The following CORIN variants were observed in gnomAD, a reference collection of about 807,000 sequenced individuals.
The protein encoded by CORIN is atrial natriuretic peptide-converting enzyme.
CORIN carries 117 observed loss-of-function variants against 125.3 expected under a neutral mutation model. The ratio of observed to expected loss-of-function variants is 0.93; its 90% confidence interval spans 0.80 to 1.09. CORIN has a LOEUF of 1.09. Ranked by LOEUF, CORIN falls within the 50% of genes least tolerant of loss-of-function variation. The probability of loss-of-function intolerance (pLI) is 0.00; values close to 1 mark genes in which losing one functional copy is unlikely to be tolerated. For missense variants in CORIN, 1,253 were observed against 1,306.7 expected, an observed-to-expected ratio of 0.96 and a Z score of 0.63; for synonymous variants, 450 against 466.4, an observed-to-expected ratio of 0.96 and a Z score of 0.45.
rs1165408037 is a variant in CORIN, at chr4:47,646,043, C to CAA, written c.1844-851_1844-850dup. 1.9e-3 allele frequency among the ~76,000 whole-genome samples: 185 copies of CAA among 98,332 alleles called. 2 individuals are homozygous for CAA. Among genetic ancestry groups the CAA allele is most frequent in the Non-Finnish European group, 2.6e-3 (134 of 50,726 alleles). The allele number at this position is 98,332 out of a possible 152,430, so 64.5% of individuals were successfully genotyped here. A position where few individuals can be genotyped will look rare whatever the true frequency, so the allele number is the denominator to read the frequency against. ...GGCTCACCGCAACCTCCACCTGTCT[C>CAA]AAAAAAAAAAAAAAAAAAAAAAGTG... On this transcript the variant is annotated intron_variant, in intron 13 of 21. Coordinates refer to ENST00000273857, the MANE Select transcript of CORIN (RefSeq NM_006587.4).
rs1234109266 is a variant in CORIN at position 47,838,020 on chromosome 4, C to T, written c.-71G>A. On this transcript the variant is annotated 5_prime_UTR_variant, in exon 1 of 22. Coordinates refer to ENST00000273857, the MANE Select transcript of CORIN (RefSeq NM_006587.4). ...GCTTTTCTCTCCTCTACGTGTCCCC[C>T]GGGGAGGCACTACGGATGATTTTCT... 1 of 1,593,324 alleles carries T rather than the reference C, an allele frequency of 6.3e-7. No homozygotes were observed. The highest frequency in any genetic ancestry group is 8.5e-7 in the Non-Finnish European group (1 of 1,176,108).
chr4:47,706,432 T>G, intron 5 of CORIN: 4 of 1,610,072 alleles, frequency 2.5e-6, no homozygotes, highest in Non-Finnish European at 3.4e-6. Context: ...TGTCACGCGC[T>G]TTCTTCTGAG....
chr4:47,661,088 ACTT>A (rs1383804592), intron 12 of CORIN, among the ~76,000 whole-genome samples: 4 of 152,342 alleles, frequency 2.6e-5, no homozygotes, highest in Admixed American at 2.6e-4. Context: ...AGAAATACAA[ACTT>A]CTTATGTTCT....
At chr4:47,621,175 G>T (rs553553346) in intron 19 of CORIN, among the ~76,000 whole-genome samples, 51 of 152,260 alleles carry the variant, frequency 3.3e-4, no homozygotes, top group Non-Finnish European at 7.1e-4. Flanking sequence ...ATTAGGTGGG[G>T]CCTGTGACTG....
At position 47,613,209 on chromosome 4, in the gene CORIN, C is replaced by T. The variant is rs1405042014; in HGVS notation, c.2541-9541G>A. ...GTGGCTTACACCTGTAATCCCAGCACTTTGGGAGGCTAAAGCGGGCAGATC... is the reference window on the plus strand; with the variant it reads ...GTGGCTTACACCTGTAATCCCAGCATTTTGGGAGGCTAAAGCGGGCAGATC... On this transcript the variant is annotated intron_variant, in intron 19 of 21. Coordinates refer to ENST00000273857, the MANE Select transcript of CORIN (RefSeq NM_006587.4). 3.3e-5 allele frequency among the ~76,000 whole-genome samples: 5 copies of T among 152,174 alleles called. No individual in the cohort carries two copies. In the East Asian group the frequency reaches 9.6e-4, roughly 29 times the overall value.
intron 1 of CORIN, among the ~76,000 whole-genome samples, chr4:47,817,770 C>T (rs1254275525): frequency 1.3e-5 from 2 of 152,162 alleles, no homozygotes; most frequent in African/African-American, 4.8e-5. Context: ...GGGGAGATCT[C>T]AATCCTTAAG....
At chr4:47,706,651 T>G in intron 5 of CORIN, 4 of 1,609,820 alleles carry the variant, frequency 2.5e-6, no homozygotes, top group African/African-American at 2.7e-5. Flanking sequence ...CCAGCTAAAA[T>G]TTTGCTCGAA....
At chr4:47,824,286 T>C (rs1252850122) in intron 1 of CORIN, among the ~76,000 whole-genome samples, 3 of 137,446 alleles carry the variant, frequency 2.2e-5, no homozygotes, top group Admixed American at 7.7e-5. Flanking sequence ...ATTCAGTTAA[T>C]AGAGGTAGTG....
chr4:47,620,241 A>G (rs1003333292), intron 19 of CORIN, among the ~76,000 whole-genome samples: 8 of 152,332 alleles, frequency 5.3e-5, no homozygotes, highest in Non-Finnish European at 1.2e-4. Context: ...AAGAGTACTA[A>G]TAGGTGAGTA....
Position 47,643,190 on chromosome 4 carries a change from T to A in CORIN, c.2024A>T (p.Asp675Val). ...ACTGTCTGAGCAGTCGGCTTCACCA[T>A]CACACCACAGGTCACGTGACACACA... ...HACVSRDLWC[D>V]GEADCSDSSD... Residue 675 changes from aspartate to valine, a missense_variant, in exon 15 of 22, where the codon GAT becomes GTT. Asp to Val is a radical substitution (Grantham distance 152). Coordinates refer to ENST00000273857, the MANE Select transcript of CORIN (RefSeq NM_006587.4). The A allele has an allele frequency of 1.9e-6, 3 of 1,614,080 alleles. No individual in the cohort carries two copies. The highest frequency in any genetic ancestry group is 2.5e-6 in the Non-Finnish European group (3 of 1,179,964).
At chr4:47,789,270 C>T (rs1730959999) in intron 2 of CORIN, among the ~76,000 whole-genome samples, 1 of 152,094 alleles carries the variant, frequency 6.6e-6, no homozygotes, top group Non-Finnish European at 1.5e-5. Context: ...CACCATTGCA[C>T]TCCAGCCAGG....
At chr4:47,659,272 C>A (rs771770121) in intron 12 of CORIN, among the ~76,000 whole-genome samples, 1 of 152,200 alleles carries the variant, frequency 6.6e-6, no homozygotes, top group Non-Finnish European at 1.5e-5. Context: ...CTCTTCCAAC[C>A]CCTGCCTGTT....
At position 47,661,827 on chromosome 4, in the gene CORIN, C is replaced by A. The variant is rs770141559; in HGVS notation, c.1619G>T (p.Cys540Phe). Residue 540 changes from cysteine (C) to phenylalanine (F), a missense_variant, in exon 12 of 22, where the codon TGT becomes TTT. Coordinates refer to ENST00000273857, the MANE Select transcript of CORIN (RefSeq NM_006587.4). ...GCCCACAATCCCAAGAACAGACTCA[C>A]AGCGTTCTTTAGAGTGTTCACACAA... ...RALCEHSKER[C>F]ESVLGIVGLQ... 13 of 1,612,840 alleles carry A rather than the reference C, an allele frequency of 8.1e-6. No homozygotes were observed. In the African/African-American group the frequency reaches 1.6e-4, roughly 20 times the overall value.
At chr4:47,799,172 AT>A (rs964451458) in intron 2 of CORIN, among the ~76,000 whole-genome samples, 23 of 148,812 alleles carry the variant, frequency 1.5e-4, no homozygotes, top group African/African-American at 5.5e-4. Flanking sequence ...TCTTTATCCA[AT>A]CTACCACTGA....
intron 5 of CORIN, among the ~76,000 whole-genome samples, chr4:47,694,628 A>G (rs1725904310): frequency 6.6e-6 from 1 of 152,170 alleles, no homozygotes; most frequent in South Asian, 2.1e-4. Context: ...ATAGAAATAG[A>G]GAAAAGTACA....
intron 2 of CORIN, among the ~76,000 whole-genome samples, chr4:47,805,350 T>C (rs1731747547): frequency 6.6e-6 from 1 of 151,766 alleles, no homozygotes; most frequent in Admixed American, 6.6e-5. Flanking sequence ...CCCACAAACA[T>C]TTTTTTTAAA....
At chr4:47,633,035 G>A (rs13133141) in intron 16 of CORIN, among the ~76,000 whole-genome samples, 39,702 of 151,994 alleles carry the variant, frequency 0.26, 5,414 homozygotes, top group Admixed American at 0.36. Context: ...ACATGCCTCA[G>A]CCTCCCAGAG....
chr4:47,721,571 T>A (rs1345259159), intron 5 of CORIN, among the ~76,000 whole-genome samples: 1 of 152,172 alleles, frequency 6.6e-6, no homozygotes, highest in African/African-American at 2.4e-5. Context: ...ACCCAGCCCA[T>A]AACCTCATCT....
chr4:47,775,904 T>G (rs1311268440), intron 3 of CORIN, among the ~76,000 whole-genome samples: 1 of 152,158 alleles, frequency 6.6e-6, no homozygotes, highest in Non-Finnish European at 1.5e-5. Flanking sequence ...TTTTTTGGGG[T>G]TTTTTTGAGT....
Sources: allele counts gnomAD v4.1 joint callset (sites outside exome capture counted in the v4.1 genomes callset), GRCh38; gene constraint gnomAD v4.1.1; transcripts MANE v1.5; gene names NCBI Gene and HGNC (gene_info 2026-07-23, HGNC 2026-07-21).